The following ZNF541 variants were observed in gnomAD, a reference collection of about 807,000 sequenced individuals.
ZNF541 encodes the protein zinc finger protein 541.
In ZNF541, 23 loss-of-function variants were observed where a neutral mutation model predicts 123.5. That is an observed-to-expected ratio of 0.19 (90% confidence interval 0.13 to 0.26). The LOEUF is 0.26. Among genes scored for constraint, ZNF541 ranks in the 10% least tolerant of loss-of-function variants. ZNF541 has a pLI of 1.00. For missense variants in ZNF541, 1,612 were observed against 1,789.9 expected, an observed-to-expected ratio of 0.90 and a Z score of 1.79; for synonymous variants, 751 against 754.5, an observed-to-expected ratio of 1.00 and a Z score of 0.08.
At chr19:47,569,414 G>A (rs1971392384) in intron 2 of ZNF541, among the ~76,000 whole-genome samples, 1 of 152,086 alleles carries the variant, frequency 6.6e-6, no homozygotes, top group South Asian at 2.1e-4. Context: ...GTCCAGAGAA[G>A]TTGAGTAACT....
rs1455223786 is a variant in ZNF541 at position 47,558,341 on chromosome 19, A to G, written c.-98-2387T>C. Among the ~76,000 whole-genome samples the G allele has an allele frequency of 2.0e-5, 3 of 151,918 alleles. No homozygotes were observed. The East Asian group carries it at 5.9e-4, about 30-fold the overall frequency. Reference sequence around the variant, plus strand: ...TGAGGCAGGAGAATGGTATGAACCCAGGAGGCGGAGCTTGCAGTGAGCCGA... The same window carrying G: ...TGAGGCAGGAGAATGGTATGAACCCGGGAGGCGGAGCTTGCAGTGAGCCGA... On this transcript the variant is annotated intron_variant, in intron 2 of 16. Coordinates refer to ENST00000391901, the MANE Select transcript of ZNF541 (RefSeq NM_001277075.3).
At chr19:47,556,378 G>A (rs891149103) in intron 2 of ZNF541, among the ~76,000 whole-genome samples, 2 of 152,150 alleles carry the variant, frequency 1.3e-5, no homozygotes, top group Admixed American at 6.6e-5. Flanking sequence ...TCAGATACAG[G>A]GCCTAGAGCC....
intron 3 of ZNF541, among the ~76,000 whole-genome samples, chr19:47,551,132 C>A (rs1354324107): frequency 6.7e-6 from 1 of 149,878 alleles, no homozygotes; most frequent in African/African-American, 2.5e-5. Flanking sequence ...CTCACTGCAA[C>A]CTCTGCCTCC....
intron 12 of ZNF541, among the ~76,000 whole-genome samples, chr19:47,530,448 A>C (rs1380117290): frequency 6.6e-6 from 1 of 151,550 alleles, no homozygotes; most frequent in Admixed American, 6.6e-5. Context: ...GGCCTCCCAA[A>C]GTGCTGGGAT....
At chr19:47,562,066 T>C (rs1971084250) in intron 2 of ZNF541, among the ~76,000 whole-genome samples, 1 of 152,068 alleles carries the variant, frequency 6.6e-6, no homozygotes, top group African/African-American at 2.4e-5. Context: ...CTGGCCAACA[T>C]GGCGAACCCC....
chr19:47,531,633 G>C lies in ZNF541; in HGVS notation c.3405+9C>G. The C allele has an allele frequency of 1.3e-6, 2 of 1,531,766 alleles. No homozygotes were observed. The highest frequency in any genetic ancestry group is 8.8e-7 in the Non-Finnish European group (1 of 1,132,444). The allele number at this position is 1,531,766 out of a possible 1,614,324, so 94.9% of individuals were successfully genotyped here. A position where few individuals can be genotyped will look rare whatever the true frequency, so the allele number is the denominator to read the frequency against. ...GGAAAGCAGGGAGGGTCCCCTTGCT[G>C]TTCCTCACCTGAACGTTGCCCTGAG... On this transcript the variant is annotated intron_variant, in intron 12 of 16. Transcript: ENST00000391901.
At chr19:47,529,930 C>A (rs1243421936) in intron 12 of ZNF541, among the ~76,000 whole-genome samples, 1 of 152,210 alleles carries the variant, frequency 6.6e-6, no homozygotes, top group African/African-American at 2.4e-5. Flanking sequence ...CTGGCACAAG[C>A]TCCTTACTCC....
intron 4 of ZNF541, among the ~76,000 whole-genome samples, chr19:47,548,442 CAAAAAAAA>C (rs574466068): frequency 3.3e-5 from 2 of 60,360 alleles, no homozygotes; most frequent in Non-Finnish European, 8.4e-5. Flanking sequence ...GACTCCATCT[CAAAAAAAA>C]AAAAAAAAAA....
intron 5 of ZNF541, 34 bp from the exon 6 acceptor site, chr19:47,540,985 C>A: frequency 6.5e-7 from 1 of 1,544,460 alleles, no homozygotes; most frequent in Non-Finnish European, 8.8e-7. Context: ...CCAACACATC[C>A]AAAATGAAGA....
chr19:47,548,666 G>A (rs899704199), intron 4 of ZNF541, among the ~76,000 whole-genome samples: 4 of 152,096 alleles, frequency 2.6e-5, no homozygotes, highest in South Asian at 2.1e-4. Flanking sequence ...GCTGTTAGGC[G>A]TTTTTAACCC....
intron 2 of ZNF541, among the ~76,000 whole-genome samples, chr19:47,567,301 A>G (rs922523667): frequency 1.3e-5 from 2 of 152,192 alleles, no homozygotes; most frequent in African/African-American, 2.4e-5. Flanking sequence ...TGTGTCACCC[A>G]GGCTGGAGTG....
chr19:47,522,246 T>A (rs1969070642), intron 14 of ZNF541, among the ~76,000 whole-genome samples: 2 of 152,218 alleles, frequency 1.3e-5, no homozygotes, highest in Admixed American at 1.3e-4. Context: ...AGCTCAGGAA[T>A]TCTTTCCTAA....
chr19:47,557,742 G>C (rs2914014), intron 2 of ZNF541, among the ~76,000 whole-genome samples: 17,230 of 152,000 alleles, frequency 0.11, 1,504 homozygotes, highest in African/African-American at 0.25. Context: ...AGAAGGCTGA[G>C]GCAGGAGGAT....
intron 4 of ZNF541, among the ~76,000 whole-genome samples, chr19:47,547,872 T>C (rs1970421115): frequency 6.6e-6 from 1 of 151,390 alleles, no homozygotes; most frequent in African/African-American, 2.4e-5. Flanking sequence ...AAATCCTGTC[T>C]CTACTAAAAA....
chr19:47,528,208 G>A (rs1174310430), intron 14 of ZNF541, among the ~76,000 whole-genome samples: 13 of 145,286 alleles, frequency 8.9e-5, no homozygotes, highest in African/African-American at 2.5e-4. Flanking sequence ...CCAGCTACTC[G>A]GAAGGCTGAG....
intron 3 of ZNF541, among the ~76,000 whole-genome samples, chr19:47,553,966 C>G (rs1210670880): frequency 6.6e-6 from 1 of 152,214 alleles, no homozygotes; most frequent in East Asian, 1.9e-4. Context: ...ACAGTCCAAA[C>G]AGCAAGAATA....
chr19:47,521,580 C>T lies in ZNF541; in HGVS notation c.3786G>A (p.Glu1262=). 6.4e-7 allele frequency: 1 copy of T among 1,551,736 alleles called. No individual in the cohort carries two copies. Among genetic ancestry groups the T allele is most frequent in the Non-Finnish European group, 8.7e-7 (1 of 1,146,990 alleles). ...PKLKTKSYRR[E]SILSSSPNAG... ...CATTTGGGCTGGAGCTGAGGATGGA[C>T]TCCCTCCTATAACTCTTGGTCTTTA... Residue 1262 remains glutamate (E), a synonymous_variant, in exon 16 of 17, where the codon GAG becomes GAA. Transcript: ENST00000391901. The surrounding 1 kb of genome is among the most constrained non-coding windows in gnomAD (Gnocchi z 4.2).
chr19:47,564,697 T>C (rs1409226762), intron 2 of ZNF541, among the ~76,000 whole-genome samples: 3 of 152,192 alleles, frequency 2.0e-5, no homozygotes, highest in South Asian at 2.1e-4. Flanking sequence ...GAAACCTTTC[T>C]ACACTGCTGG....
At chr19:47,547,401 C>T (rs1047683474) in intron 4 of ZNF541, among the ~76,000 whole-genome samples, 3 of 152,180 alleles carry the variant, frequency 2.0e-5, no homozygotes, top group African/African-American at 7.2e-5. Context: ...TGCATTAACA[C>T]ATTATAAATA....
Sources: gnomAD v4.1 joint callset for allele counts (sites outside exome capture counted in the v4.1 genomes callset) on GRCh38, gnomAD v4.1.1 for gene constraint, Gnocchi (gnomAD v3.1) non-coding constraint, MANE v1.5 for transcripts, NCBI Gene and HGNC (gene_info 2026-07-23, HGNC 2026-07-21) for gene names.